The following CCDC178 variants were observed in gnomAD, a reference collection of about 807,000 sequenced individuals.
CCDC178 encodes the protein coiled-coil domain-containing protein 178.
In CCDC178, 126 loss-of-function variants were observed where a neutral mutation model predicts 117.4. The observed-to-expected ratio is 1.07, with a 90% CI of 0.93 to 1.24. The LOEUF is 1.24. CCDC178 is among the 50% of genes most tolerant of loss of function. The probability of loss-of-function intolerance (pLI) is 0.00; values close to 1 mark genes in which losing one functional copy is unlikely to be tolerated. For missense variants in CCDC178, 1,030 were observed against 986.9 expected (o/e 1.04, Z -0.59); for synonymous variants, 283 against 313.4 (o/e 0.90, Z 1.02).
At chr18:33,141,675 A>T (rs2058207110) in intron 20 of CCDC178, among the ~76,000 whole-genome samples, 1 of 152,222 alleles carries the variant, frequency 6.6e-6, no homozygotes, top group African/African-American at 2.4e-5. Context: ...TCTGGGGAAG[A>T]AGTGAAGTTA....
chr18:33,391,265 T>C (rs918640420), intron 4 of CCDC178, among the ~76,000 whole-genome samples: 4 of 151,476 alleles, frequency 2.6e-5, no homozygotes, highest in Admixed American at 2.6e-4. Flanking sequence ...AAGTTACAGA[T>C]AATAATAAAA....
chr18:33,171,603 T>C (rs556130459), intron 20 of CCDC178, among the ~76,000 whole-genome samples: 13 of 152,320 alleles, frequency 8.5e-5, no homozygotes, highest in Non-Finnish European at 1.8e-4. Context: ...GAGTGTGTTT[T>C]TGACAATTCC....
rs2055128078 is a variant in CCDC178 at position 32,980,464 on chromosome 18, G to C, written c.2389-5783C>G. ...CGGGCGCCTGTAGTCCCAGCTACTC[G>C]GGAGGCTGAAGCAGGAGAATGGCGT... On this transcript the variant is annotated intron_variant, in intron 21 of 22. Coordinates refer to ENST00000383096, the MANE Select transcript of CCDC178 (RefSeq NM_001105528.4). Among the ~76,000 whole-genome samples the C allele has an allele frequency of 2.0e-5, 3 of 151,202 alleles. No homozygotes were observed. In the South Asian group the frequency reaches 6.3e-4, roughly 32 times the overall value.
At chr18:33,181,872 G>GA (rs995012958) in intron 20 of CCDC178, among the ~76,000 whole-genome samples, 58 of 151,630 alleles carry the variant, frequency 3.8e-4, no homozygotes, top group African/African-American at 1.4e-3. Flanking sequence ...GACATATTAA[G>GA]AAAAAAAGTC....
At chr18:33,014,652 C>T (rs2055941473) in intron 21 of CCDC178, among the ~76,000 whole-genome samples, 1 of 152,166 alleles carries the variant, frequency 6.6e-6, no homozygotes, top group Non-Finnish European at 1.5e-5. Flanking sequence ...ATGTATAACA[C>T]ACACACACAG....
At chr18:33,388,519 A>ATTTTTTTTTTTTTTTTTTTTTTTTTTTTT (rs71159828) in intron 5 of CCDC178, among the ~76,000 whole-genome samples, 1 of 65,268 alleles carries the variant, frequency 1.5e-5, no homozygotes, top group African/African-American at 6.3e-5. Flanking sequence ...ACACCACGGA[A>ATTTTTTTTTTTTTTTTTTTTTTTTTTTTT]TTTTTTTTTT....
Position 33,224,877 on chromosome 18 carries a change from AT to A in CCDC178, c.1715del (p.Asn572IlefsTer19). The A allele has an allele frequency of 6.4e-7, 1 of 1,572,592 alleles. No homozygotes were observed. The highest frequency in any genetic ancestry group is 8.6e-7 in the Non-Finnish European group (1 of 1,158,234). ...QALERKELIK[N>X]RAICAMSLAE... The stretch of plus-strand genomic sequence containing the variant: ...CCAGTGACATGGCACATATTGCTCT[AT>A]TTTTTATAAGCTCTTTCCGCTCAAG... On this transcript the variant is annotated frameshift_variant, in exon 17 of 23. Coordinates refer to ENST00000383096, the MANE Select transcript of CCDC178 (RefSeq NM_001105528.4). LOFTEE classifies it high-confidence loss of function.
intron 2 of CCDC178, among the ~76,000 whole-genome samples, chr18:33,425,870 G>A (rs1269341407): frequency 1.3e-5 from 2 of 152,078 alleles, no homozygotes; most frequent in African/African-American, 4.8e-5. Flanking sequence ...TGGTTCTACA[G>A]CCAGTAGAAA....
chr18:33,197,580 TA>T (rs956225566), intron 20 of CCDC178, among the ~76,000 whole-genome samples: 1 of 147,304 alleles, frequency 6.8e-6, no homozygotes, highest in South Asian at 2.1e-4. Context: ...ACTGTAAAAT[TA>T]AAAAAATGAA....
chr18:33,121,815 T>A (rs1208136402), intron 20 of CCDC178, among the ~76,000 whole-genome samples: 1 of 152,138 alleles, frequency 6.6e-6, no homozygotes, highest in Non-Finnish European at 1.5e-5. Flanking sequence ...TGCCATGTAA[T>A]GATGTTTAGG....
At chr18:33,439,422 A>G (rs1295922453) in intron 2 of CCDC178, among the ~76,000 whole-genome samples, 1 of 152,222 alleles carries the variant, frequency 6.6e-6, no homozygotes, top group African/African-American at 2.4e-5. Context: ...CTAACAATCA[A>G]ACTCATATTT....
At position 33,407,977 on chromosome 18, in the gene CCDC178, C is replaced by G. The variant is rs559769865; in HGVS notation, c.58+4054G>C. Among the ~76,000 whole-genome samples, 7 of 151,850 alleles carry G rather than the reference C, an allele frequency of 4.6e-5. No individual in the cohort carries two copies. The South Asian group carries it at 6.2e-4, about 13-fold the overall frequency. ...TCAGAAAACCTAGGGGCCAATGTTA[C>G]TGAATAAGAAAGATGCAAACATCCT... On this transcript the variant is annotated intron_variant, in intron 3 of 22. Transcript: ENST00000383096.
At chr18:33,109,134 C>T (rs2057746502) in intron 20 of CCDC178, among the ~76,000 whole-genome samples, 1 of 151,606 alleles carries the variant, frequency 6.6e-6, no homozygotes, top group South Asian at 2.1e-4. Context: ...GAACGAAATA[C>T]CTACATTACA....
intron 11 of CCDC178, among the ~76,000 whole-genome samples, chr18:33,318,872 T>A (rs576139129): frequency 2.0e-4 from 30 of 152,134 alleles, no homozygotes; most frequent in African/African-American, 7.0e-4. Flanking sequence ...ATTAATAGAT[T>A]ATGAAATGTT....
intron 21 of CCDC178, among the ~76,000 whole-genome samples, chr18:33,001,610 G>A (rs1172768786): frequency 2.0e-5 from 3 of 152,032 alleles, no homozygotes; most frequent in Admixed American, 1.3e-4. Flanking sequence ...AAGGAGAAAA[G>A]TGAGGAAGAG....
At position 33,351,187 on chromosome 18, in the gene CCDC178, G is replaced by C. The variant is rs902873911; in HGVS notation, c.372-2212C>G. Among the ~76,000 whole-genome samples, 3 of 92,666 alleles carry C rather than the reference G, an allele frequency of 3.2e-5. No homozygotes were observed. In the East Asian group the frequency reaches 1.1e-3, roughly 34 times the overall value. The allele number at this position is 92,666 out of a possible 152,430, so 60.8% of individuals were successfully genotyped here. A position where few individuals can be genotyped will look rare whatever the true frequency, so the allele number is the denominator to read the frequency against. On this transcript the variant is annotated intron_variant, in intron 7 of 22. Transcript: ENST00000383096. ...GTGTGTGTGTGTGTGTGTGTGTATA[G>C]TTTTTGTTTGTTTCTTTGTTTTTTT...
intron 20 of CCDC178, among the ~76,000 whole-genome samples, chr18:33,187,459 C>T (rs1310484785): frequency 6.6e-6 from 1 of 152,074 alleles, no homozygotes; most frequent in Non-Finnish European, 1.5e-5. Flanking sequence ...CAGAGAAATA[C>T]TGACCTCTTT....
intron 20 of CCDC178, among the ~76,000 whole-genome samples, chr18:33,128,790 T>G (rs2058037978): frequency 6.6e-6 from 1 of 152,154 alleles, no homozygotes; most frequent in South Asian, 2.1e-4. Context: ...TCACATAATC[T>G]GTCACTGTCC....
intron 14 of CCDC178, among the ~76,000 whole-genome samples, chr18:33,265,895 G>A (rs1340714203): frequency 1.3e-5 from 2 of 152,036 alleles, no homozygotes; most frequent in Non-Finnish European, 2.9e-5. Context: ...TGTTGGTGGA[G>A]CAATGAAGAG....
Sources: allele counts gnomAD v4.1 joint callset (sites outside exome capture counted in the v4.1 genomes callset), GRCh38; gene constraint gnomAD v4.1.1; transcripts MANE v1.5; gene names NCBI Gene and HGNC (gene_info 2026-07-23, HGNC 2026-07-21).